The following PPM1B variants were observed in gnomAD, a reference collection of about 807,000 sequenced individuals.
PPM1B encodes the protein protein phosphatase 1B.
PPM1B carries 22 observed loss-of-function variants against 43.0 expected under a neutral mutation model. That is an observed-to-expected ratio of 0.51 (90% CI 0.37 to 0.73). The LOEUF is 0.73. Ranked by LOEUF, PPM1B falls within the 30% of genes least tolerant of loss-of-function variation. The pLI, the probability that PPM1B is intolerant of heterozygous loss-of-function variation, is 0.00. For missense variants in PPM1B, 632 were observed against 584.2 expected, an observed-to-expected ratio of 1.08 and a Z score of -0.84; for synonymous variants, 217 against 197.9, an observed-to-expected ratio of 1.10 and a Z score of -0.81.
At chr2:44,205,180 A>G (rs1324332679) in intron 2 of PPM1B, among the ~76,000 whole-genome samples, 1 of 152,186 alleles carries the variant, frequency 6.6e-6, no homozygotes. Context: ...AGTTTTTTTA[A>G]TTTGCAAGTA....
chr2:44,219,013 A>AT (rs1238738378), intron 5 of PPM1B: 3 of 378,472 alleles, frequency 7.9e-6, no homozygotes, highest in Non-Finnish European at 1.5e-5. Flanking sequence ...TTATTGTTGT[A>AT]TTATGGGTAC....
chr2:44,238,676 T>G (rs1670682517), downstream of PPM1B, among the ~76,000 whole-genome samples: 1 of 151,624 alleles, frequency 6.6e-6, no homozygotes, highest in Non-Finnish European at 1.5e-5. Flanking sequence ...CACTCCAGCC[T>G]GGGCGACAGA....
chr2:44,169,656 C>G (rs1231494071), intron 1 of PPM1B, among the ~76,000 whole-genome samples: 2 of 152,254 alleles, frequency 1.3e-5, no homozygotes, highest in South Asian at 4.1e-4. Context: ...GGTGCATGCC[C>G]TGTTTGAAAA....
At chr2:44,177,850 A>G (rs1295318043) in intron 1 of PPM1B, among the ~76,000 whole-genome samples, 1 of 142,686 alleles carries the variant, frequency 7.0e-6, no homozygotes, top group South Asian at 2.2e-4. Flanking sequence ...TTTTTGTTCT[A>G]GTCCCTTTTT....
At chr2:44,235,478 C>T (rs1445219173), downstream of PPM1B, among the ~76,000 whole-genome samples, 1 of 151,946 alleles carries the variant, frequency 6.6e-6, no homozygotes, top group Non-Finnish European at 1.5e-5. Flanking sequence ...TGGCGCATGC[C>T]CGTAATCCCA....
chr2:44,225,916 A>G (rs181107288), intron 5 of PPM1B, among the ~76,000 whole-genome samples: 6 of 151,882 alleles, frequency 4.0e-5, no homozygotes, highest in East Asian at 3.9e-4. Flanking sequence ...TCGGCCTCCA[A>G]AAGTACTGGG....
At chr2:44,205,853 C>T (rs952215517) in intron 2 of PPM1B, among the ~76,000 whole-genome samples, 1 of 152,110 alleles carries the variant, frequency 6.6e-6, no homozygotes, top group Non-Finnish European at 1.5e-5. Flanking sequence ...CCAAAGGCAA[C>T]ATCATTCTAT....
intron 5 of PPM1B, among the ~76,000 whole-genome samples, chr2:44,226,221 T>G (rs1670202602): frequency 6.6e-6 from 1 of 152,092 alleles, no homozygotes; most frequent in African/African-American, 2.4e-5. Context: ...ATGATCTGCC[T>G]GCCTCAGCCT....
chr2:44,210,589 T>C lies in PPM1B; in HGVS notation c.964+1262T>C, dbSNP rs1450798247. ...TCTCCCATGTACATGTAGTGTCCTTTACCTAGATTCCTTATTTGTTTATGT... is the reference window on the plus strand; with the variant it reads ...TCTCCCATGTACATGTAGTGTCCTTCACCTAGATTCCTTATTTGTTTATGT... On this transcript the variant is annotated intron_variant, in intron 3 of 5. Coordinates refer to ENST00000282412, the MANE Select transcript of PPM1B (RefSeq NM_002706.6). 2.0e-5 allele frequency among the ~76,000 whole-genome samples: 3 copies of C among 152,272 alleles called. No homozygotes were observed. The East Asian group carries it at 5.8e-4, about 29-fold the overall frequency.
chr2:44,231,908 A>T (rs1030643613), downstream of PPM1B, among the ~76,000 whole-genome samples: 3 of 152,192 alleles, frequency 2.0e-5, no homozygotes, highest in Non-Finnish European at 4.4e-5. Flanking sequence ...AATATTTTTT[A>T]AAAATTATTT....
At chr2:44,229,039 G>A (rs576541786) in intron 5 of PPM1B, among the ~76,000 whole-genome samples, 20 of 151,882 alleles carry the variant, frequency 1.3e-4, no homozygotes, top group South Asian at 1.3e-3. Context: ...AAAATTAGCC[G>A]GGCATGGTGT....
At chr2:44,208,802 A>G (rs1481999403) in intron 2 of PPM1B, among the ~76,000 whole-genome samples, 1 of 152,260 alleles carries the variant, frequency 6.6e-6, no homozygotes, top group Non-Finnish European at 1.5e-5. Context: ...ATGGAGTCGT[A>G]GCATTGCTCT....
chr2:44,235,122 C>T (rs1320753062), downstream of PPM1B, among the ~76,000 whole-genome samples: 8 of 152,140 alleles, frequency 5.3e-5, no homozygotes, highest in Non-Finnish European at 7.4e-5. Context: ...AATGTGAAAT[C>T]GGAAAGTTTA....
chr2:44,212,048 TTTAGTCATTC>T (rs1669496644), intron 3 of PPM1B, among the ~76,000 whole-genome samples: 1 of 151,978 alleles, frequency 6.6e-6, no homozygotes, highest in Admixed American at 6.6e-5. Context: ...CCGCGCCTGG[TTTAGTCATTC>T]TTTTTATATG....
intron 3 of PPM1B, among the ~76,000 whole-genome samples, chr2:44,216,378 T>G (rs531734184): frequency 6.6e-6 from 1 of 152,160 alleles, no homozygotes; most frequent in African/African-American, 2.4e-5. Context: ...AATTGTCTGG[T>G]GTAAAATGTC....
At position 44,216,967 on chromosome 2, in the gene PPM1B, C is replaced by G. The variant is rs181747511; in HGVS notation, c.965-1000C>G. Among the ~76,000 whole-genome samples the G allele has an allele frequency of 1.5e-3, 227 of 151,160 alleles. 1 individual carries two copies. The highest frequency in any genetic ancestry group is 5.5e-3 in the African/African-American group (225 of 41,202). Reference sequence around the variant, plus strand: ...GATTAGAGTGAAAAGTGTTCCCAAACCAACGAAAAGAGTATGTGAAGATCT... The same window carrying G: ...GATTAGAGTGAAAAGTGTTCCCAAAGCAACGAAAAGAGTATGTGAAGATCT... On this transcript the variant is annotated intron_variant, in intron 3 of 5. Coordinates refer to ENST00000282412, the MANE Select transcript of PPM1B (RefSeq NM_002706.6).
Position 44,172,319 on chromosome 2 carries a change from A to T in PPM1B, c.-15+3045A>T, listed in dbSNP as rs533871525. Among the ~76,000 whole-genome samples the T allele has an allele frequency of 2.6e-5, 4 of 152,318 alleles. No individual in the cohort carries two copies. The East Asian group carries it at 7.7e-4, about 29-fold the overall frequency. On this transcript the variant is annotated intron_variant, in intron 1 of 5. Transcript: ENST00000282412. ...AATGTATCGTATATTAGCAGAATTG[A>T]TGGTTAAGTGTACTGACATTTCACT...
chr2:44,188,715 T>TTTCCTTCC (rs1156418924), intron 1 of PPM1B, among the ~76,000 whole-genome samples: 2 of 142,244 alleles, frequency 1.4e-5, no homozygotes, highest in Admixed American at 7.1e-5. Context: ...GCCTGCCTGC[T>TTTCCTTCC]TTCCTTCCTT....
chr2:44,170,338 T>A (rs542472348), intron 1 of PPM1B, among the ~76,000 whole-genome samples: 1 of 152,260 alleles, frequency 6.6e-6, no homozygotes, highest in Non-Finnish European at 1.5e-5. Flanking sequence ...ACATGTTTAA[T>A]GTATCAAAAT....
Sources: allele counts gnomAD v4.1 joint callset (sites outside exome capture counted in the v4.1 genomes callset), GRCh38; gene constraint gnomAD v4.1.1; transcripts MANE v1.5; gene names NCBI Gene and HGNC (gene_info 2026-07-23, HGNC 2026-07-21).